MGRN1: variants seen among roughly 807,000 people sequenced by gnomAD.
The protein encoded by MGRN1 is E3 ubiquitin-protein ligase MGRN1.
Under a neutral mutation model 69.2 loss-of-function variants are expected in MGRN1, and 29 were observed. The observed-to-expected ratio is 0.42, with a 90% CI of 0.31 to 0.57. MGRN1 has a LOEUF of 0.57. Among genes scored for constraint, MGRN1 ranks in the 20% least tolerant of loss-of-function variants. The probability of loss-of-function intolerance (pLI) is 0.15; values close to 1 mark genes in which losing one functional copy is unlikely to be tolerated. For synonymous variants in MGRN1, 470 were observed against 344.2 expected, an observed-to-expected ratio of 1.37 and a Z score of -4.04; for missense variants, 998 against 796.2, an observed-to-expected ratio of 1.25 and a Z score of -3.05.
At chr16:4,657,180 G>A (rs1362892138) in intron 4 of MGRN1, 66 bp from the exon 5 acceptor site, 3 of 1,462,832 alleles carry the variant, frequency 2.1e-6, no homozygotes. Flanking sequence ...TGTCGGAGTG[G>A]GAGGGACGGG....
At chr16:4,686,327 T>C in intron 16 of MGRN1, 1 of 1,541,944 alleles carries the variant, frequency 6.5e-7, no homozygotes, top group South Asian at 1.2e-5. Flanking sequence ...CAGACGCGCT[T>C]CGGGGGCTCT....
At chr16:4,662,207 C>T (rs1279322699) in intron 5 of MGRN1, among the ~76,000 whole-genome samples, 2 of 152,126 alleles carry the variant, frequency 1.3e-5, no homozygotes, top group Admixed American at 6.5e-5. Context: ...ACATTTCCCT[C>T]GGTTCCTTAA....
At chr16:4,688,104 C>G (rs539778093) in intron 16 of MGRN1, 1 of 985,478 alleles carries the variant, frequency 1.0e-6, no homozygotes, top group Non-Finnish European at 1.2e-6. Flanking sequence ...ACGCCCTTCA[C>G]CGGAGAGTGG....
intron 1 of MGRN1, among the ~76,000 whole-genome samples, chr16:4,632,969 G>C (rs1198207439): frequency 6.6e-6 from 1 of 152,180 alleles, no homozygotes. Context: ...TTTAGTCCTA[G>C]CTACCTGGTG....
chr16:4,683,599 G>A (rs1353831442), intron 15 of MGRN1, among the ~76,000 whole-genome samples: 1 of 151,996 alleles, frequency 6.6e-6, no homozygotes, highest in East Asian at 1.9e-4. Context: ...AGGACACAGT[G>A]TAAAAAAGGG....
chr16:4,645,452 G>C (rs575375864), intron 1 of MGRN1, among the ~76,000 whole-genome samples: 1 of 152,212 alleles, frequency 6.6e-6, no homozygotes, highest in South Asian at 2.1e-4. Flanking sequence ...ATGAACCACT[G>C]GCCCAGCTTA....
At chr16:4,663,805 C>T (rs1350943998) in intron 5 of MGRN1, among the ~76,000 whole-genome samples, 2 of 152,232 alleles carry the variant, frequency 1.3e-5, no homozygotes, top group African/African-American at 4.8e-5. Context: ...GAGGATGGCA[C>T]TGTGCTGGGC....
At chr16:4,681,352 G>C in intron 12 of MGRN1, 198 bp from the exon 13 acceptor site, 3 of 576,842 alleles carry the variant, frequency 5.2e-6, no homozygotes, top group Non-Finnish European at 9.1e-6. Context: ...GTGGGCATTT[G>C]GGCATCCAGC....
chr16:4,629,092 C>G (rs1897851571), intron 1 of MGRN1, among the ~76,000 whole-genome samples: 1 of 151,704 alleles, frequency 6.6e-6, no homozygotes, highest in African/African-American at 2.4e-5. Context: ...CCACCTCAGC[C>G]TCCAAAGTGC....
chr16:4,668,394 C>A (rs2078853848), intron 8 of MGRN1, 82 bp downstream of exon 8: 2 of 1,424,746 alleles, frequency 1.4e-6, no homozygotes, highest in Non-Finnish European at 2.0e-6. Flanking sequence ...CATACATAGA[C>A]ACACACTCAT....
intron 1 of MGRN1, among the ~76,000 whole-genome samples, chr16:4,643,763 TGA>T (rs1197094604): frequency 6.6e-6 from 1 of 152,196 alleles, no homozygotes; most frequent in Non-Finnish European, 1.5e-5. Context: ...TCATAAGCTG[TGA>T]GTTTTTCGTG....
At chr16:4,665,474 T>G (rs1301291197) in intron 7 of MGRN1, among the ~76,000 whole-genome samples, 1 of 151,148 alleles carries the variant, frequency 6.6e-6, no homozygotes, top group Non-Finnish European at 1.5e-5. Context: ...GTTCAAGCGA[T>G]TCTCCCACCT....
rs755255129 is a variant in MGRN1 at position 4,624,913 on chromosome 16, C to T, written c.-48C>T. 6.8e-7 allele frequency: 1 copy of T among 1,470,782 alleles called. No homozygotes were observed. The highest frequency in any genetic ancestry group is 1.3e-5 in the South Asian group (1 of 78,420). 91.1% of individuals were successfully genotyped at this position (1,470,782 alleles called of 1,614,324 possible). A position where few individuals can be genotyped will look rare whatever the true frequency, so the allele number is the denominator to read the frequency against. On this transcript the variant is annotated 5_prime_UTR_variant, in exon 1 of 17. Coordinates refer to ENST00000262370, the MANE Select transcript of MGRN1 (RefSeq NM_015246.4). Reference sequence around the variant, plus strand: ...CCGCGTGAGGACCCCGCCGCTGTCGCCGCTCCCGTTCCGGCCCTGGCCCCT... The same window carrying T: ...CCGCGTGAGGACCCCGCCGCTGTCGTCGCTCCCGTTCCGGCCCTGGCCCCT...
At chr16:4,639,337 C>T (rs1001995207) in intron 1 of MGRN1, among the ~76,000 whole-genome samples, 2 of 152,120 alleles carry the variant, frequency 1.3e-5, no homozygotes, top group Non-Finnish European at 2.9e-5. Flanking sequence ...AGGCTGGCCT[C>T]ACCGCGGCAT....
Position 4,668,404 on chromosome 16 carries a change from TAC to T in MGRN1, c.726+97_726+98del, listed in dbSNP as rs891205750. On this transcript the variant is annotated intron_variant, in intron 8 of 16. Transcript: ENST00000262370. ...ATACTCATACATAGACACACACTCA[TAC>T]ACACGCACATATACTCATACACGCT... The T allele has an allele frequency of 1.3e-5, 18 of 1,347,818 alleles. No homozygotes were observed. The African/African-American group carries it at 2.2e-4, about 16-fold the overall frequency. 83.5% of individuals were successfully genotyped at this position (1,347,818 alleles called of 1,614,324 possible). A position where few individuals can be genotyped will look rare whatever the true frequency, so the allele number is the denominator to read the frequency against.
chr16:4,642,466 T>TTGTGTGTGTG (rs143119735), intron 1 of MGRN1, among the ~76,000 whole-genome samples: 3,306 of 141,782 alleles, frequency 0.023, 94 homozygotes, highest in African/African-American at 0.068. Context: ...GCCAGCTAAT[T>TTGTGTGTGTG]TGTGTGTGTG....
chr16:4,643,752 A>G (rs1286480677), intron 1 of MGRN1, among the ~76,000 whole-genome samples: 1 of 152,204 alleles, frequency 6.6e-6, no homozygotes, highest in Admixed American at 6.5e-5. Flanking sequence ...ATAATTTTAC[A>G]TCATAAGCTG....
chr16:4,665,418 T>C (rs13339569), intron 7 of MGRN1, among the ~76,000 whole-genome samples: 4,921 of 150,508 alleles, frequency 0.033, 128 homozygotes, highest in African/African-American at 0.066. Flanking sequence ...AGGCTGGAGT[T>C]CAGTGGCGTG....
intron 8 of MGRN1, among the ~76,000 whole-genome samples, chr16:4,670,391 C>T (rs560367035): frequency 2.6e-4 from 39 of 152,300 alleles, no homozygotes; most frequent in Admixed American, 6.5e-4. Flanking sequence ...TACAGGCACG[C>T]GCCACCATGC....
Sources: gnomAD v4.1 joint callset for allele counts (sites outside exome capture counted in the v4.1 genomes callset) on GRCh38, gnomAD v4.1.1 for gene constraint, MANE v1.5 for transcripts, NCBI Gene and HGNC (gene_info 2026-07-23, HGNC 2026-07-21) for gene names.